Variants in RSRC1 observed in about 807,000 individuals in gnomAD.
RSRC1 encodes the protein serine/Arginine-related protein 53.
RSRC1 carries 39 observed loss-of-function variants against 49.1 expected under a neutral mutation model. The observed-to-expected ratio is 0.79, with a 90% CI of 0.61 to 1.04. The LOEUF (loss-of-function observed/expected upper bound fraction) is 1.04. RSRC1 is among the 50% of genes least tolerant of loss of function. The probability of loss-of-function intolerance (pLI) is 0.00; values close to 1 mark genes in which losing one functional copy is unlikely to be tolerated. For missense variants in RSRC1, 388 were observed against 402.4 expected (o/e 0.96, Z 0.31); for synonymous variants, 143 against 130.8 (o/e 1.09, Z -0.63).
At chr3:158,215,024 G>C (rs374749078) in intron 4 of RSRC1, among the ~76,000 whole-genome samples, 6 of 123,242 alleles carry the variant, frequency 4.9e-5, no homozygotes, top group Admixed American at 1.8e-4. Flanking sequence ...TCTGTATTTT[G>C]TTACGTCAGA....
At chr3:158,168,527 C>CA (rs1718670704) in intron 3 of RSRC1, among the ~76,000 whole-genome samples, 1 of 152,148 alleles carries the variant, frequency 6.6e-6, no homozygotes, top group African/African-American at 2.4e-5. Flanking sequence ...TAAAACATCT[C>CA]AGTGATTTTC....
At position 158,518,148 on chromosome 3, in the gene RSRC1, A is replaced by ATTTTT. The variant is rs72132266; in HGVS notation, c.653-18928_653-18924dup. On this transcript the variant is annotated intron_variant, in intron 7 of 9. Coordinates refer to ENST00000611884, the MANE Select transcript of RSRC1 (RefSeq NM_001271838.2). ...TGTGTATATATATATATATATATAT[A>ATTTTT]TTTTTTTTTTTTTTTTTTTTACTCC... Among the ~76,000 whole-genome samples the ATTTTT allele has an allele frequency of 3.7e-3, 163 of 44,130 alleles. 8 individuals are homozygous for ATTTTT. Among genetic ancestry groups the ATTTTT allele is most frequent in the Non-Finnish European group, 4.7e-3 (133 of 28,428 alleles). 29.0% of individuals were successfully genotyped at this position (44,130 alleles called of 152,430 possible).
chr3:158,293,243 A>G (rs1054093652), intron 4 of RSRC1, among the ~76,000 whole-genome samples: 17 of 152,098 alleles, frequency 1.1e-4, no homozygotes, highest in Non-Finnish European at 7.4e-5. Flanking sequence ...TCATATATGT[A>G]TATATTACCT....
chr3:158,194,706 C>T (rs1017988755), intron 3 of RSRC1, among the ~76,000 whole-genome samples: 7 of 141,072 alleles, frequency 5.0e-5, no homozygotes, highest in African/African-American at 1.8e-4. Context: ...TCCGTGTGTT[C>T]TCATTGTTCA....
chr3:158,529,214 G>GTATATATATATATATATATA (rs10596761), intron 7 of RSRC1, among the ~76,000 whole-genome samples: 3 of 143,124 alleles, frequency 2.1e-5, no homozygotes, highest in African/African-American at 7.9e-5. Flanking sequence ...ATGTGTGTGT[G>GTATATATATATATATATATA]TATATATATA....
intron 4 of RSRC1, among the ~76,000 whole-genome samples, chr3:158,212,858 C>T (rs1721760454): frequency 6.6e-6 from 1 of 151,956 alleles, no homozygotes; most frequent in East Asian, 1.9e-4. Context: ...CATTGTAAAG[C>T]ATCTTGAGTA....
At chr3:158,418,153 T>TGTA in intron 6 of RSRC1, among the ~76,000 whole-genome samples, 1 of 152,180 alleles carries the variant, frequency 6.6e-6, no homozygotes, top group South Asian at 2.1e-4. Flanking sequence ...CACTATGTGA[T>TGTA]GTAGTATATA....
intron 3 of RSRC1, among the ~76,000 whole-genome samples, chr3:158,141,242 C>A (rs550962918): frequency 2.0e-4 from 30 of 152,178 alleles, no homozygotes; most frequent in African/African-American, 7.2e-4. Flanking sequence ...GGAGAAAATT[C>A]CAGTTTTTTT....
chr3:158,252,076 G>A (rs1281494661), intron 4 of RSRC1, among the ~76,000 whole-genome samples: 1 of 151,786 alleles, frequency 6.6e-6, no homozygotes, highest in African/African-American at 2.4e-5. Flanking sequence ...GATTCTGTTG[G>A]TATGATGTAT....
At chr3:158,152,726 A>G (rs1717624783) in intron 3 of RSRC1, among the ~76,000 whole-genome samples, 1 of 152,192 alleles carries the variant, frequency 6.6e-6, no homozygotes, top group Non-Finnish European at 1.5e-5. Context: ...TCTTCTTCCC[A>G]GAAGTAAATG....
intron 6 of RSRC1, among the ~76,000 whole-genome samples, chr3:158,385,325 A>G (rs1027153437): frequency 1.8e-4 from 27 of 152,146 alleles, no homozygotes; most frequent in Non-Finnish European, 3.2e-4. Context: ...TGTACTATAA[A>G]CCATTCATCT....
At chr3:158,402,291 G>A (rs1312392148) in intron 6 of RSRC1, among the ~76,000 whole-genome samples, 1 of 151,352 alleles carries the variant, frequency 6.6e-6, no homozygotes, top group Non-Finnish European at 1.5e-5. Context: ...TTTATATTTG[G>A]CCTATTAAAA....
chr3:158,455,012 G>A (rs139190757), intron 6 of RSRC1, among the ~76,000 whole-genome samples: 2 of 152,154 alleles, frequency 1.3e-5, no homozygotes, highest in African/African-American at 2.4e-5. Flanking sequence ...TCACATACAA[G>A]GGAGGTACCA....
At chr3:158,162,979 T>G (rs892279224) in intron 3 of RSRC1, among the ~76,000 whole-genome samples, 18 of 152,102 alleles carry the variant, frequency 1.2e-4, no homozygotes, top group African/African-American at 4.1e-4. Flanking sequence ...TCACTTGCTC[T>G]CCTTTCCCTT....
intron 3 of RSRC1, among the ~76,000 whole-genome samples, chr3:158,159,349 A>G (rs1336496706): frequency 1.3e-5 from 2 of 152,214 alleles, no homozygotes; most frequent in African/African-American, 2.4e-5. Flanking sequence ...CACCAAAGGG[A>G]CTTTTGAAAT....
intron 3 of RSRC1, among the ~76,000 whole-genome samples, chr3:158,130,028 A>T (rs534324254): frequency 3.5e-4 from 53 of 152,382 alleles, no homozygotes; most frequent in Non-Finnish European, 7.5e-4. Flanking sequence ...CTTAAACAAC[A>T]TAAATACATT....
intron 7 of RSRC1, among the ~76,000 whole-genome samples, chr3:158,489,286 C>A (rs991393798): frequency 1.3e-5 from 2 of 152,184 alleles, no homozygotes; most frequent in African/African-American, 4.8e-5. Context: ...GATTTCAAAT[C>A]TTTCTTTATA....
intron 4 of RSRC1, among the ~76,000 whole-genome samples, chr3:158,280,473 A>G (rs1009028319): frequency 6.6e-6 from 1 of 152,038 alleles, no homozygotes; most frequent in African/African-American, 2.4e-5. Flanking sequence ...GTTGTTCATA[A>G]TTGTATCCAT....
intron 5 of RSRC1, among the ~76,000 whole-genome samples, chr3:158,349,488 C>T (rs1208470629): frequency 6.6e-6 from 1 of 152,090 alleles, no homozygotes; most frequent in East Asian, 1.9e-4. Context: ...GCCGCCTTTG[C>T]TCCCACCAAA....
Sources: allele counts gnomAD v4.1 joint callset (sites outside exome capture counted in the v4.1 genomes callset), GRCh38; gene constraint gnomAD v4.1.1; transcripts MANE v1.5; gene names NCBI Gene and HGNC (gene_info 2026-07-23, HGNC 2026-07-21).